Variants in PTPRA observed in about 807,000 individuals in gnomAD.
The protein encoded by PTPRA is receptor-type tyrosine-protein phosphatase alpha.
In PTPRA, 25 loss-of-function variants were observed where a neutral mutation model predicts 104.8. The observed-to-expected ratio is 0.24, with a 90% CI of 0.17 to 0.33. PTPRA has a LOEUF of 0.33. PTPRA is among the 10% of genes least tolerant of loss of function. The pLI, the probability that PTPRA is intolerant of heterozygous loss-of-function variation, is 1.00. For missense variants in PTPRA, 765 were observed against 1,015.3 expected (o/e 0.75, Z 3.35); for synonymous variants, 323 against 368.9 (o/e 0.88, Z 1.43).
intron 9 of PTPRA, among the ~76,000 whole-genome samples, chr20:3,003,129 ATTATAT>A (rs1269243528): frequency 6.6e-6 from 1 of 152,134 alleles, no homozygotes; most frequent in Non-Finnish European, 1.5e-5. Context: ...ATGGTATATA[ATTATAT>A]ATGTATTTGT....
chr20:2,867,628 G>C, the PTPRA span, among the ~76,000 whole-genome samples: 1 of 152,016 alleles, frequency 6.6e-6, no homozygotes, highest in African/African-American at 2.4e-5. Flanking sequence ...TGGCACTCCA[G>C]TGCACCTTGG....
chr20:2,986,879 A>C (rs767314151), intron 7 of PTPRA, 30 bp downstream of exon 7: 2 of 1,557,782 alleles, frequency 1.3e-6, no homozygotes, highest in South Asian at 2.2e-5. Flanking sequence ...ACATTCTCTT[A>C]GATTCTGTTT....
At chr20:2,893,596 C>A (rs1039567297) in intron 1 of PTPRA, among the ~76,000 whole-genome samples, 6 of 152,046 alleles carry the variant, frequency 3.9e-5, no homozygotes, top group African/African-American at 1.4e-4. Context: ...GCTATATTTT[C>A]ATCCCCAAAA....
chr20:2,965,520 G>A (rs1600184351), intron 5 of PTPRA, among the ~76,000 whole-genome samples: 1 of 152,198 alleles, frequency 6.6e-6, no homozygotes, highest in South Asian at 2.1e-4. Flanking sequence ...AAGATGAAAA[G>A]ATACAGAGAA....
intron 3 of PTPRA, among the ~76,000 whole-genome samples, chr20:2,948,678 A>C (rs371192605): frequency 6.6e-6 from 1 of 152,170 alleles, no homozygotes; most frequent in Non-Finnish European, 1.5e-5. Flanking sequence ...ACCACCAGGC[A>C]CGGTGGCTCA....
At chr20:2,958,658 TAAAAAAAAAAAAAA>T (rs71195806) in intron 3 of PTPRA, among the ~76,000 whole-genome samples, 7 of 62,270 alleles carry the variant, frequency 1.1e-4, no homozygotes, top group African/African-American at 3.2e-4. Context: ...CCATCTCTAC[TAAAAAAAAAAAAAA>T]AAAAAAAAAA....
intron 2 of PTPRA, among the ~76,000 whole-genome samples, chr20:2,935,774 G>A (rs991913989): frequency 7.2e-5 from 11 of 152,168 alleles, no homozygotes; most frequent in African/African-American, 2.7e-4. Context: ...CAGCAATTTG[G>A]GAGGCCTAGG....
chr20:2,864,488 T>C, the PTPRA span: 1 of 1,614,092 alleles, frequency 6.2e-7, no homozygotes, highest in Non-Finnish European at 8.5e-7. The surrounding 1 kb of genome is among the most constrained non-coding windows in gnomAD (Gnocchi z 5.2). Context: ...AGGGTTGTGG[T>C]GTAGCCTTCT....
chr20:2,898,150 G>A (rs1159062097), intron 1 of PTPRA, among the ~76,000 whole-genome samples: 1 of 151,878 alleles, frequency 6.6e-6, no homozygotes, highest in African/African-American at 2.4e-5. Context: ...AGGCTGGAGT[G>A]CAGTGGCGCG....
chr20:3,029,815 A>G (rs1428002521), intron 20 of PTPRA, among the ~76,000 whole-genome samples: 2 of 152,136 alleles, frequency 1.3e-5, no homozygotes, highest in Non-Finnish European at 2.9e-5. Flanking sequence ...GGCGTGAGCC[A>G]CTGCGCCCAG....
At chr20:2,922,621 C>T (rs570689708) in intron 1 of PTPRA, among the ~76,000 whole-genome samples, 1 of 152,008 alleles carries the variant, frequency 6.6e-6, no homozygotes, top group South Asian at 2.1e-4. Flanking sequence ...GGATTATAGG[C>T]ATGAGCCACC....
intron 1 of PTPRA, among the ~76,000 whole-genome samples, chr20:2,902,696 C>T (rs1037461726): frequency 6.6e-6 from 1 of 151,982 alleles, no homozygotes; most frequent in African/African-American, 2.4e-5. Context: ...AAATATAGAA[C>T]AATTGGTTTG....
chr20:3,001,687 G>A, intron 9 of PTPRA, among the ~76,000 whole-genome samples: 1 of 152,174 alleles, frequency 6.6e-6, no homozygotes, highest in Non-Finnish European at 1.5e-5. Flanking sequence ...TAAGAGTCCA[G>A]CCCAGGAAAA....
rs112125766 is a variant in PTPRA, at chr20:2,906,041, G to A, written c.-128-17166G>A. ...TTGTCTTACAGTTGCCTAGATTCTTGTTCCATTTAAAGAAACTGAAATTTG... is the reference window on the plus strand; with the variant it reads ...TTGTCTTACAGTTGCCTAGATTCTTATTCCATTTAAAGAAACTGAAATTTG... On this transcript the variant is annotated intron_variant, in intron 1 of 23. Transcript: ENST00000399903. 1.9e-3 allele frequency among the ~76,000 whole-genome samples: 289 copies of A among 152,150 alleles called. 1 individual carries two copies. Among genetic ancestry groups the A allele is most frequent in the Non-Finnish European group, 3.6e-3 (245 of 67,996 alleles).
rs1220807746 is a variant in PTPRA, at chr20:3,027,931, T to TTTGG, written c.1920+91_1920+94dup. On this transcript the variant is annotated intron_variant, in intron 20 of 23. Coordinates refer to ENST00000399903, the MANE Select transcript of PTPRA (RefSeq NM_001385305.1). Reference sequence around the variant, plus strand: ...GGGACGTTGGGAAGGCAAGAAGGTGTTTGGACCTTGTCTTTGACTTATACG... The same window carrying TTTGG: ...GGGACGTTGGGAAGGCAAGAAGGTGTTTGGTTGGACCTTGTCTTTGACTTATACG... The TTTGG allele has an allele frequency of 1.9e-6, 3 of 1,549,430 alleles. No individual in the cohort carries two copies. In the African/African-American group the frequency reaches 4.1e-5, roughly 21 times the overall value.
chr20:2,988,843 A>G lies in PTPRA; in HGVS notation c.738+369A>G, dbSNP rs149043938. Among the ~76,000 whole-genome samples, 4 of 152,376 alleles carry G rather than the reference A, an allele frequency of 2.6e-5. No individual in the cohort carries two copies. In the East Asian group the frequency reaches 7.7e-4, roughly 29 times the overall value. On this transcript the variant is annotated intron_variant, in intron 9 of 23. Coordinates refer to ENST00000399903, the MANE Select transcript of PTPRA (RefSeq NM_001385305.1). ...TCACTGTCCAGGAGGGAAACCTCAC[A>G]AACAAGAACAAATATAACTGTGTAA...
chr20:2,886,928 AG>A (rs1435833978), intron 1 of PTPRA, among the ~76,000 whole-genome samples: 5 of 152,122 alleles, frequency 3.3e-5, no homozygotes, highest in African/African-American at 1.2e-4. Context: ...AATTTTCAAA[AG>A]TATATCACAG....
intron 13 of PTPRA, among the ~76,000 whole-genome samples, chr20:3,018,210 G>T (rs1188973167): frequency 1.3e-5 from 2 of 151,920 alleles, no homozygotes; most frequent in African/African-American, 2.4e-5. Flanking sequence ...GGTTTTTTTT[G>T]TTGTTGTTTT....
chr20:2,906,741 C>T (rs961377949), intron 1 of PTPRA, among the ~76,000 whole-genome samples: 7 of 152,106 alleles, frequency 4.6e-5, no homozygotes, highest in Non-Finnish European at 8.8e-5. Flanking sequence ...TCATCTTTGA[C>T]ATGTCTTCAC....
Sources: allele counts gnomAD v4.1 joint callset (sites outside exome capture counted in the v4.1 genomes callset), GRCh38; gene constraint gnomAD v4.1.1; non-coding constraint Gnocchi (gnomAD v3.1); transcripts MANE v1.5; gene names NCBI Gene and HGNC (gene_info 2026-07-23, HGNC 2026-07-21).